Variants in GNB4 observed in about 807,000 individuals in gnomAD.
The protein encoded by GNB4 is guanine nucleotide-binding protein subunit beta-4.
GNB4 carries 28 observed loss-of-function variants against 45.2 expected under a neutral mutation model. The ratio of observed to expected loss-of-function variants is 0.62; its 90% CI spans 0.46 to 0.85. The LOEUF (loss-of-function observed/expected upper bound fraction) is 0.85. GNB4 is among the 40% of genes least tolerant of loss of function. GNB4 has a pLI of 0.00. For synonymous variants in GNB4, 132 were observed against 143.7 expected, an observed-to-expected ratio of 0.92 and a Z score of 0.58; for missense variants, 321 against 425.4, an observed-to-expected ratio of 0.75 and a Z score of 2.16.
At chr3:179,512,148 C>G in the GNB4 span, among the ~76,000 whole-genome samples, 1 of 152,148 alleles carries the variant, frequency 6.6e-6, no homozygotes, top group African/African-American at 2.4e-5. Flanking sequence ...CTCTCCACAT[C>G]TTTATTTTGG....
chr3:179,508,249 A>C, the GNB4 span, among the ~76,000 whole-genome samples: 1 of 152,140 alleles, frequency 6.6e-6, no homozygotes, highest in Non-Finnish European at 1.5e-5. Flanking sequence ...AGCCTCCTAA[A>C]GTGCTGGGAT....
chr3:179,408,352 C>A (rs1714539701), intron 8 of GNB4, among the ~76,000 whole-genome samples: 1 of 152,094 alleles, frequency 6.6e-6, no homozygotes, highest in Admixed American at 6.6e-5. Flanking sequence ...AGCAATAGGA[C>A]CCATCCAAAG....
chr3:179,496,602 C>T, the GNB4 span, among the ~76,000 whole-genome samples: 3 of 152,198 alleles, frequency 2.0e-5, no homozygotes, highest in African/African-American at 7.2e-5. Context: ...GAGAAACTCA[C>T]TTTAGCTGTA....
At chr3:179,401,850 T>C (rs1714312402) in intron 9 of GNB4, among the ~76,000 whole-genome samples, 1 of 152,240 alleles carries the variant, frequency 6.6e-6, no homozygotes, top group South Asian at 2.1e-4. Flanking sequence ...GGAATGTTAT[T>C]GGTTATAACT....
At chr3:179,478,265 A>C in the GNB4 span, among the ~76,000 whole-genome samples, 5 of 152,174 alleles carry the variant, frequency 3.3e-5, no homozygotes, top group African/African-American at 1.2e-4. Context: ...TCACCTCTTA[A>C]TACCATCATA....
At chr3:179,455,018 C>A (rs559166812), upstream of GNB4, among the ~76,000 whole-genome samples, 6 of 152,308 alleles carry the variant, frequency 3.9e-5, no homozygotes, top group Admixed American at 2.0e-4. Context: ...TGCTCACACA[C>A]AATGCATTTT....
the GNB4 span, among the ~76,000 whole-genome samples, chr3:179,514,521 CAT>C: frequency 6.6e-6 from 1 of 152,124 alleles, no homozygotes; most frequent in Non-Finnish European, 1.5e-5. Flanking sequence ...CCAGCAAATT[CAT>C]ATGTTGAATC....
chr3:179,403,230 C>CT (rs1714357633), intron 9 of GNB4, among the ~76,000 whole-genome samples: 1 of 151,390 alleles, frequency 6.6e-6, no homozygotes, highest in Non-Finnish European at 1.5e-5. Flanking sequence ...GTGCCTCGCT[C>CT]TTAAGTATGA....
rs1187787750 is a variant in GNB4 at position 179,414,791 on chromosome 3, T to G, written c.430+94A>C. ...ATTCCCACCCGATTAATCCTCATCC[T>G]TTAGCCAGCCGAGCACAATCTGTCA... On this transcript the variant is annotated intron_variant, in intron 6 of 9. Coordinates refer to ENST00000232564, the MANE Select transcript of GNB4 (RefSeq NM_021629.4). 3 of 1,011,690 alleles carry G rather than the reference T, an allele frequency of 3.0e-6. No homozygotes were observed. The African/African-American group carries it at 4.8e-5, about 16-fold the overall frequency. 62.7% of individuals were successfully genotyped at this position (1,011,690 alleles called of 1,614,324 possible).
chr3:179,418,690 CAT>C (rs1714884373), intron 4 of GNB4, among the ~76,000 whole-genome samples: 1 of 152,134 alleles, frequency 6.6e-6, no homozygotes, highest in African/African-American at 2.4e-5. Flanking sequence ...TCTATTAAAA[CAT>C]AGAAGTTTCT....
At chr3:179,443,460 G>A (rs547937303) in intron 1 of GNB4, among the ~76,000 whole-genome samples, 52 of 152,076 alleles carry the variant, frequency 3.4e-4, no homozygotes, top group African/African-American at 1.2e-3. Context: ...AATCTTTTGA[G>A]CCTGGGAGAA....
rs751623206 is a variant in GNB4 at position 179,419,537 on chromosome 3, C to G, written c.97-32G>C. 1.4e-5 allele frequency: 18 copies of G among 1,289,440 alleles called. No individual in the cohort carries two copies. In the South Asian group the frequency reaches 1.8e-4, roughly 13 times the overall value. The allele number at this position is 1,289,440 out of a possible 1,614,324, so 79.9% of individuals were successfully genotyped here. On this transcript the variant is annotated intron_variant, in intron 3 of 9. Coordinates refer to ENST00000232564, the MANE Select transcript of GNB4 (RefSeq NM_021629.4). ...AAAGCAACAAAAATGTTATTCTTTA[C>G]CTTAATCATAGTTCATGAGATAACT...
chr3:179,452,006 C>T (rs766146301), upstream of GNB4, among the ~76,000 whole-genome samples: 3 of 152,188 alleles, frequency 2.0e-5, no homozygotes, highest in Non-Finnish European at 4.4e-5. Flanking sequence ...TAAGTTTCGT[C>T]ATCGCCAAAA....
chr3:179,439,369 T>G (rs1715540604), intron 1 of GNB4, among the ~76,000 whole-genome samples: 2 of 152,198 alleles, frequency 1.3e-5, no homozygotes, highest in Admixed American at 6.5e-5. Flanking sequence ...AAATAAATCT[T>G]GGAACCCCAG....
At chr3:179,474,028 A>G in the GNB4 span, among the ~76,000 whole-genome samples, 177 of 152,222 alleles carry the variant, frequency 1.2e-3, 1 homozygote, top group Non-Finnish European at 6.3e-4. Flanking sequence ...CTGAGGCTTA[A>G]AAAAGTAATA....
chr3:179,473,951 T>G, the GNB4 span, among the ~76,000 whole-genome samples: 1 of 152,206 alleles, frequency 6.6e-6, no homozygotes, highest in African/African-American at 2.4e-5. Flanking sequence ...AGATGATTTT[T>G]GGTTGATATA....
At chr3:179,504,502 A>G in the GNB4 span, among the ~76,000 whole-genome samples, 81 of 152,230 alleles carry the variant, frequency 5.3e-4, no homozygotes, top group African/African-American at 1.7e-3. Context: ...CACTTTTGGA[A>G]ATAGTTATTA....
the GNB4 span, among the ~76,000 whole-genome samples, chr3:179,460,393 T>C: frequency 1.3e-5 from 2 of 152,210 alleles, no homozygotes; most frequent in Admixed American, 1.3e-4. Context: ...TGAAGGTAAG[T>C]GTATTTTCTG....
intron 1 of GNB4, among the ~76,000 whole-genome samples, chr3:179,436,905 C>A (rs187143920): frequency 6.6e-6 from 1 of 152,106 alleles, no homozygotes; most frequent in Admixed American, 6.6e-5. Context: ...GTTTTGTGTT[C>A]CAGGAAATAA....
Sources: allele counts gnomAD v4.1 joint callset (sites outside exome capture counted in the v4.1 genomes callset), GRCh38; gene constraint gnomAD v4.1.1; transcripts MANE v1.5; gene names NCBI Gene and HGNC (gene_info 2026-07-23, HGNC 2026-07-21).